GJA5: variants seen among roughly 807,000 people sequenced by gnomAD.
The protein encoded by GJA5 is gap junction protein alpha 5, also known as gap junction alpha-5 protein.
A neutral mutation model predicts 7.9 loss-of-function variants in GJA5; 3 were observed. The observed-to-expected ratio is 0.38, with a 90% CI of 0.17 to 0.99. The LOEUF (loss-of-function observed/expected upper bound fraction) is 0.99, where lower values mean the gene tolerates loss of function less well. Among genes scored for constraint, GJA5 ranks in the 50% least tolerant of loss-of-function variants. The pLI is 0.38. For missense variants in GJA5, 390 were observed against 457.9 expected (o/e 0.85, Z 1.35); for synonymous variants, 193 against 181.0 (o/e 1.07, Z -0.53).
At chr1:147,769,902 T>C (rs1664335581) in intron 1 of GJA5, among the ~76,000 whole-genome samples, 2 of 151,926 alleles carry the variant, frequency 1.3e-5, no homozygotes, top group African/African-American at 4.8e-5. Flanking sequence ...GGACTCCACA[T>C]GGCTCCATAT....
intron 1 of GJA5, among the ~76,000 whole-genome samples, chr1:147,771,471 T>C (rs1488554087): frequency 6.6e-6 from 1 of 152,156 alleles, no homozygotes; most frequent in Admixed American, 6.5e-5. Flanking sequence ...TCTCCTTATT[T>C]GCCAAAGAAG....
In GJA5 at chr1:147,759,134, G is replaced by A. The variant is rs1553227091; in HGVS notation, c.105C>T (p.Leu35=). ...WLTVLFIFRM[L]VLGTAAESSW... ...AAGACTCAGCAGCTGTGCCCAGCAC[G>A]AGCATACGGAATATGAAGAGGACAG... The change falls in exon 2 of 2, where the codon CTC becomes CTT. Residue 35 remains leucine (L), a synonymous_variant. Coordinates refer to ENST00000579774, the MANE Select transcript of GJA5 (RefSeq NM_181703.4). 8.7e-6 allele frequency: 14 copies of A among 1,612,962 alleles called. No individual in the cohort carries two copies. Among genetic ancestry groups the A allele is most frequent in the South Asian group, 2.2e-5 (2 of 90,974 alleles).
In GJA5 at chr1:147,765,769, A is replaced by AATT. The variant is rs1664179689; in HGVS notation, c.-33-6499_-33-6498insAAT. Among the ~76,000 whole-genome samples the AATT allele has an allele frequency of 2.0e-5, 3 of 152,148 alleles. No homozygotes were observed. The South Asian group carries it at 6.2e-4, about 32-fold the overall frequency. ...GTCCATTATTTGCTCCTGAGGGCCT[A>AATT]ATCTGAAGCCTCCAAATGGGGTTGG... On this transcript the variant is annotated intron_variant, in intron 1 of 1. Transcript: ENST00000430508.
At chr1:147,768,064 A>G (rs1664272800) in intron 1 of GJA5, among the ~76,000 whole-genome samples, 1 of 152,200 alleles carries the variant, frequency 6.6e-6, no homozygotes, top group Non-Finnish European at 1.5e-5. Context: ...TGAGCTGGGC[A>G]GTGTGGGCAC....
upstream of GJA5, chr1:147,760,724 T>C (rs1441256924): frequency 1.3e-5 from 2 of 152,234 alleles, no homozygotes; most frequent in East Asian, 1.9e-4. Flanking sequence ...CTGCCTCCCA[T>C]TGGCAGGGTG....
At chr1:147,768,261 T>G (rs1664277585) in intron 1 of GJA5, among the ~76,000 whole-genome samples, 1 of 152,206 alleles carries the variant, frequency 6.6e-6, no homozygotes, top group African/African-American at 2.4e-5. Context: ...ATTTAATTAT[T>G]TTATTCTGGC....
rs138622477 is a variant in GJA5, at chr1:147,756,701, CCA to C, written c.*1459_*1460del. On this transcript the variant is annotated 3_prime_UTR_variant, in exon 2 of 2. Transcript: ENST00000579774. The stretch of plus-strand genomic sequence containing the variant: ...AAGCCTTTACCCATCCCATCAGCAC[CCA>C]CACACACACACACGTGCATTTTAAT... 1.4e-4 allele frequency: 21 copies of C among 151,210 alleles called. No homozygotes were observed. Among genetic ancestry groups the C allele is most frequent in the African/African-American group, 2.9e-4 (12 of 41,330 alleles). 9.4% of individuals were successfully genotyped at this position (151,210 alleles called of 1,614,324 possible). A position where few individuals can be genotyped will look rare whatever the true frequency, so the allele number is the denominator to read the frequency against.
At chr1:147,772,725 G>A (rs1371850212) in intron 1 of GJA5, among the ~76,000 whole-genome samples, 4 of 143,200 alleles carry the variant, frequency 2.8e-5, no homozygotes, top group African/African-American at 7.8e-5. Flanking sequence ...GCACAGCGGG[G>A]ACATGATACT....
rs782007424 is a variant in GJA5, at chr1:147,758,432, C to G, written c.807G>C (p.Gln269His). 6.8e-6 allele frequency: 11 copies of G among 1,614,194 alleles called. No homozygotes were observed. Among genetic ancestry groups the G allele is most frequent in the Non-Finnish European group, 9.3e-6 (11 of 1,180,018 alleles). ...TTCCCCCAGGGCCATTCTCCAGGCA[C>G]TGATTAAAGTCGGGGGGTGGTGTGC... The part of the protein sequence containing the change: ...QSCTPPPDFN[Q>H]CLENGPGGKF... Residue 269 changes from glutamine to histidine, a missense_variant, in exon 2 of 2, where the codon CAG (glutamine) becomes CAC (histidine). Coordinates refer to ENST00000579774, the MANE Select transcript of GJA5 (RefSeq NM_181703.4).
chr1:147,766,978 G>C (rs1009655262), intron 1 of GJA5, among the ~76,000 whole-genome samples: 1 of 152,130 alleles, frequency 6.6e-6, no homozygotes, highest in Admixed American at 6.5e-5. Flanking sequence ...AGTGCTTATC[G>C]AGCTCCTCTG....
At position 147,757,669 on chromosome 1, in the gene GJA5, G is replaced by A; in HGVS notation, c.*493C>T. The A allele has an allele frequency of 5.5e-6, 1 of 182,014 alleles. No homozygotes were observed. The highest frequency in any genetic ancestry group is 1.2e-5 in the Non-Finnish European group (1 of 84,772). The allele number at this position is 182,014 out of a possible 1,614,324, so 11.3% of individuals were successfully genotyped here. ...ACCACTACTCCGAGGAATGGTCCATGGAGACAACAGATTCAAGAGCACATA... is the reference window on the plus strand; with the variant it reads ...ACCACTACTCCGAGGAATGGTCCATAGAGACAACAGATTCAAGAGCACATA... On this transcript the variant is annotated 3_prime_UTR_variant, in exon 2 of 2. Transcript: ENST00000579774.
chr1:147,765,440 C>T (rs182117708), upstream of GJA5, among the ~76,000 whole-genome samples: 1 of 152,278 alleles, frequency 6.6e-6, no homozygotes, highest in East Asian at 1.9e-4. Flanking sequence ...TGGAGCTCAT[C>T]AATTCTTAGA....
intron 1 of GJA5, among the ~76,000 whole-genome samples, chr1:147,771,170 G>A (rs1395392952): frequency 5.9e-5 from 9 of 152,322 alleles, no homozygotes; most frequent in African/African-American, 1.9e-4. Flanking sequence ...TGAGAGACCA[G>A]GCGGCACTGT....
chr1:147,772,374 C>T (rs1289651201), intron 1 of GJA5, among the ~76,000 whole-genome samples: 1 of 152,084 alleles, frequency 6.6e-6, no homozygotes, highest in Non-Finnish European at 1.5e-5. Context: ...TGCCTTTGAG[C>T]CTATGGAATC....
rs782374362 is a variant in GJA5, at chr1:147,758,310, T to G, written c.929A>C (p.Glu310Ala). 6.2e-7 allele frequency: 1 copy of G among 1,614,092 alleles called. No homozygotes were observed. Among genetic ancestry groups the G allele is most frequent in the Admixed American group, 1.7e-5 (1 of 60,020 alleles). The change falls in exon 2 of 2, where the codon GAA becomes GCA. Residue 310 changes from glutamate (E) to alanine (A), a missense_variant. By Grantham distance (107) the Glu-to-Ala change is moderately radical (BLOSUM62 -1). This residue lies in a region of GJA5 where 354 missense variants were observed against 370.9 expected (regional missense o/e 0.95). Transcript: ENST00000579774. ...QVRGQEQTPG[E>A]GFIQVRYGQK... ...GCCATAACGAACCTGGATGAAACCTTCCCCAGGAGTCTGCTCCTGACCTCG... is the reference window on the plus strand; with the variant it reads ...GCCATAACGAACCTGGATGAAACCTGCCCCAGGAGTCTGCTCCTGACCTCG...
upstream of GJA5, among the ~76,000 whole-genome samples, chr1:147,761,579 A>T (rs1177814786): frequency 6.6e-6 from 1 of 152,218 alleles, no homozygotes. Flanking sequence ...GCAGGTCTTG[A>T]GGCCTTTCCT....
At chr1:147,765,731 T>A (rs1553228097) in intron 1 of GJA5, among the ~76,000 whole-genome samples, 1 of 152,190 alleles carries the variant, frequency 6.6e-6, no homozygotes, top group African/African-American at 2.4e-5. Context: ...ACCCACATGA[T>A]AGGCCATGCT....
rs782278675 is a variant in GJA5 at position 147,758,215 on chromosome 1, G to A, written c.1024C>T (p.Arg342Ter). The stretch of plus-strand genomic sequence containing the variant: ...TTGCTGCTGGCCTTACTAAGACGTC[G>A]CTTGTCACTATGATAGCCATGGGGA... ...RLPHGYHSDK[R>*]RLSKASSKAR... The change falls in exon 2 of 2, where the codon CGA (arginine) becomes TGA (stop). Residue 342 changes from arginine (R) to a stop codon, truncating the protein, a stop_gained. Transcript: ENST00000579774. LOFTEE classifies it high-confidence loss of function. The A allele has an allele frequency of 5.0e-6, 8 of 1,613,940 alleles. No homozygotes were observed. The East Asian group carries it at 6.7e-5, about 13-fold the overall frequency.
upstream of GJA5, among the ~76,000 whole-genome samples, chr1:147,760,919 C>A (rs1553227330): frequency 6.6e-6 from 1 of 152,116 alleles, no homozygotes; most frequent in African/African-American, 2.4e-5. Flanking sequence ...TCACAGTGCT[C>A]CCATCCCCTG....
Sources: gnomAD v4.1 joint callset for allele counts (sites outside exome capture counted in the v4.1 genomes callset) on GRCh38, gnomAD v4.1.1 for gene constraint, gnomAD v4.1.1 regional missense constraint, MANE v1.5 for transcripts, NCBI Gene and HGNC (gene_info 2026-07-23, HGNC 2026-07-21) for gene names.